UBAC1: variants seen among roughly 807,000 people sequenced by gnomAD.
UBAC1 encodes the protein UBA domain containing 1.
UBAC1 carries 27 observed loss-of-function variants against 45.9 expected under a neutral mutation model. The ratio of observed to expected loss-of-function variants is 0.59; its 90% confidence interval spans 0.43 to 0.81. The LOEUF (loss-of-function observed/expected upper bound fraction) is 0.81. Ranked by LOEUF, UBAC1 falls within the 30% of genes least tolerant of loss-of-function variation. UBAC1 has a pLI of 0.00. For synonymous variants in UBAC1, 227 were observed against 215.5 expected (o/e 1.05, Z -0.47); for missense variants, 529 against 539.2 (o/e 0.98, Z 0.19).
intron 8 of UBAC1, among the ~76,000 whole-genome samples, chr9:135,938,944 C>G (rs1839233147): frequency 6.6e-6 from 1 of 152,212 alleles, no homozygotes; most frequent in Non-Finnish European, 1.5e-5. Flanking sequence ...AGTGGTGGCT[C>G]ATGCATGTAA....
chr9:135,946,401 C>G (rs1187256685), intron 4 of UBAC1, 30 bp from the exon 5 acceptor site: 3 of 1,428,178 alleles, frequency 2.1e-6, no homozygotes, highest in African/African-American at 1.4e-5. Flanking sequence ...GATCAATTCT[C>G]TAAATGTCCA....
intron 3 of UBAC1, among the ~76,000 whole-genome samples, chr9:135,952,432 G>A (rs569532665): frequency 3.9e-5 from 6 of 152,364 alleles, no homozygotes; most frequent in South Asian, 4.1e-4. Context: ...TGCTCGGCAC[G>A]GGCTCAGGCC....
chr9:135,933,562 C>G (rs1326830945), intron 9 of UBAC1, 47 bp from the exon 10 acceptor site: 6 of 1,407,322 alleles, frequency 4.3e-6, no homozygotes, highest in Non-Finnish European at 6.0e-6. Flanking sequence ...CCCCACTCAG[C>G]CCACAGGCAC....
At chr9:135,941,047 A>G (rs1286773999) in intron 7 of UBAC1, among the ~76,000 whole-genome samples, 1 of 152,196 alleles carries the variant, frequency 6.6e-6, no homozygotes, top group Non-Finnish European at 1.5e-5. Context: ...CTGGCAGAAA[A>G]AGACTTCAGC....
chr9:135,956,487 G>C (rs1203271977), intron 1 of UBAC1, among the ~76,000 whole-genome samples: 1 of 152,136 alleles, frequency 6.6e-6, no homozygotes, highest in Non-Finnish European at 1.5e-5. Context: ...GAAGACTGAG[G>C]TCGGCACATG....
intron 7 of UBAC1, among the ~76,000 whole-genome samples, chr9:135,944,474 G>A (rs565899330): frequency 2.6e-5 from 4 of 152,356 alleles, no homozygotes; most frequent in African/African-American, 7.2e-5. Flanking sequence ...AGTAAAACCC[G>A]AATCAAAGAA....
chr9:135,944,518 G>A (rs769939345), intron 7 of UBAC1, among the ~76,000 whole-genome samples: 1 of 152,210 alleles, frequency 6.6e-6, no homozygotes, highest in Non-Finnish European at 1.5e-5. Context: ...GAGATGAGGC[G>A]CGGGCGAGGA....
chr9:135,960,600 C>T (rs1408797729), intron 1 of UBAC1, among the ~76,000 whole-genome samples: 1 of 151,662 alleles, frequency 6.6e-6, no homozygotes, highest in Non-Finnish European at 1.5e-5. Context: ...GAAAAAAAAC[C>T]TCACCCCAAC....
chr9:135,955,240 G>GC, intron 2 of UBAC1, 55 bp downstream of exon 2: 1 of 1,448,876 alleles, frequency 6.9e-7, no homozygotes. Flanking sequence ...TGGCTCCAGC[G>GC]CCCCCAGCAG....
rs111961408 is a variant in UBAC1 at position 135,939,568 on chromosome 9, ACACT to A, written c.963+101_963+104del. ...CCACAGCCCACACTCACCACAGCCC[ACACT>A]CACTCACCACAGCCCACACTCACTC... On this transcript the variant is annotated intron_variant, in intron 8 of 9. Transcript: ENST00000371756. 204 of 1,121,594 alleles carry A rather than the reference ACACT, an allele frequency of 1.8e-4. 2 individuals carry two copies. The highest frequency in any genetic ancestry group is 1.6e-3 in the South Asian group (108 of 69,532). 69.5% of individuals were successfully genotyped at this position (1,121,594 alleles called of 1,614,324 possible).
At chr9:135,953,218 G>A (rs1034874842) in intron 3 of UBAC1, among the ~76,000 whole-genome samples, 1 of 152,246 alleles carries the variant, frequency 6.6e-6, no homozygotes, top group African/African-American at 2.4e-5. Context: ...CCGGGAGAGA[G>A]AACCCCTTAT....
chr9:135,935,690 G>A (rs763115728), intron 9 of UBAC1, among the ~76,000 whole-genome samples: 7 of 151,994 alleles, frequency 4.6e-5, no homozygotes, highest in Non-Finnish European at 1.0e-4. Context: ...AAGAAGAAAT[G>A]CAATGGCCAA....
At chr9:135,935,297 A>G (rs903354413) in intron 9 of UBAC1, among the ~76,000 whole-genome samples, 2 of 152,240 alleles carry the variant, frequency 1.3e-5, no homozygotes, top group African/African-American at 4.8e-5. Flanking sequence ...ACAAAGGAAG[A>G]TGTGCCTAAT....
At chr9:135,946,057 G>A in intron 5 of UBAC1, 60 bp from the exon 6 acceptor site, 2 of 1,472,866 alleles carry the variant, frequency 1.4e-6, no homozygotes, top group Non-Finnish European at 1.9e-6. Context: ...CCTTATCTGA[G>A]CACAAACATT....
chr9:135,944,950 C>G, intron 7 of UBAC1, 78 bp downstream of exon 7: 2 of 1,428,472 alleles, frequency 1.4e-6, no homozygotes, highest in Non-Finnish European at 1.9e-6. Context: ...AGCCATGCAG[C>G]CCCAGCTTCC....
chr9:135,933,436 C>A lies in UBAC1; in HGVS notation c.1182G>T (p.Gln394His), dbSNP rs761781996. Reference sequence around the variant, plus strand: ...TTAGTGTCTGGAAGATTCTAGAGATCTGCAGCATGACAGGCCCCGTTTCTG... The same window carrying A: ...TTAGTGTCTGGAAGATTCTAGAGATATGCAGCATGACAGGCCCCGTTTCTG... ...NDPETGPVML[Q>H]ISRIFQTLNR... is the part of the protein sequence containing the mutation. The change falls in exon 10 of 10, where the codon CAG becomes CAT. Residue 394 changes from glutamine (Q) to histidine (H), a missense_variant. Transcript: ENST00000371756. The A allele has an allele frequency of 6.2e-7, 1 of 1,614,172 alleles. No individual in the cohort carries two copies. The highest frequency in any genetic ancestry group is 1.1e-5 in the South Asian group (1 of 91,088).
At chr9:135,933,880 A>G (rs549121487) in intron 9 of UBAC1, among the ~76,000 whole-genome samples, 1 of 152,348 alleles carries the variant, frequency 6.6e-6, no homozygotes, top group African/African-American at 2.4e-5. Context: ...GCAGATGCAG[A>G]AAGGACACAC....
intron 1 of UBAC1, among the ~76,000 whole-genome samples, chr9:135,958,671 A>G (rs1839495773): frequency 6.6e-6 from 1 of 152,138 alleles, no homozygotes; most frequent in Non-Finnish European, 1.5e-5. Flanking sequence ...ACCAGACCTC[A>G]CTGCCTACAG....
At chr9:135,943,923 G>A (rs1839296794) in intron 7 of UBAC1, among the ~76,000 whole-genome samples, 1 of 152,108 alleles carries the variant, frequency 6.6e-6, no homozygotes, top group African/African-American at 2.4e-5. Context: ...TGAAAAATGA[G>A]AACACATGGA....
Sources: allele counts gnomAD v4.1 joint callset (sites outside exome capture counted in the v4.1 genomes callset), GRCh38; gene constraint gnomAD v4.1.1; transcripts MANE v1.5; gene names NCBI Gene and HGNC (gene_info 2026-07-23, HGNC 2026-07-21).